Variants in FIGN observed in about 807,000 individuals in gnomAD.
FIGN encodes fidgetin.
A neutral mutation model predicts 51.3 loss-of-function variants in FIGN; 11 were observed. That is an observed-to-expected ratio of 0.21 (90% CI 0.13 to 0.35). The LOEUF is 0.35. Ranked by LOEUF, FIGN falls within the 10% of genes least tolerant of loss-of-function variation. The pLI, the probability that FIGN is intolerant of heterozygous loss-of-function variation, is 1.00. For missense variants in FIGN, 857 were observed against 943.6 expected (o/e 0.91, Z 1.20); for synonymous variants, 407 against 363.2 (o/e 1.12, Z -1.37).
chr2:163,673,259 T>C (rs968796426), intron 2 of FIGN, among the ~76,000 whole-genome samples: 1 of 152,124 alleles, frequency 6.6e-6, no homozygotes, highest in Non-Finnish European at 1.5e-5. Context: ...AATGGAAACA[T>C]ACTTGCGAGA....
chr2:163,679,047 T>C (rs772642219), intron 2 of FIGN, among the ~76,000 whole-genome samples: 1 of 152,246 alleles, frequency 6.6e-6, no homozygotes, highest in Non-Finnish European at 1.5e-5. Flanking sequence ...TGAGTTACTC[T>C]ATACCAGTGC....
intron 2 of FIGN, among the ~76,000 whole-genome samples, chr2:163,711,539 A>AT (rs1244231067): frequency 6.6e-6 from 1 of 151,942 alleles, no homozygotes; most frequent in African/African-American, 2.4e-5. Flanking sequence ...AGGACTTTAA[A>AT]TCCCCCCACT....
intron 2 of FIGN, among the ~76,000 whole-genome samples, chr2:163,732,258 T>C (rs1684942783): frequency 1.3e-5 from 2 of 152,198 alleles, no homozygotes; most frequent in Non-Finnish European, 2.9e-5. Flanking sequence ...TTGATAACCA[T>C]AAACATGCAC....
In FIGN at chr2:163,611,569, A is replaced by T; in HGVS notation, c.263T>A (p.Leu88His). 1.2e-6 allele frequency: 2 copies of T among 1,614,222 alleles called. No homozygotes were observed. The highest frequency in any genetic ancestry group is 1.7e-6 in the Non-Finnish European group (2 of 1,180,034). The change falls in exon 3 of 3, where the codon CTC becomes CAC. Residue 88 changes from leucine (L) to histidine (H), a missense_variant. By Grantham distance (99) the Leu-to-His change is moderately conservative. This residue lies in a region of FIGN where 799 missense variants were observed against 849.5 expected (regional missense o/e 0.94). Coordinates refer to ENST00000333129, the MANE Select transcript of FIGN (RefSeq NM_018086.4). Reference protein sequence around the residue: ...ILEGPVDRPVLSNYSDTPSGL... With the variant: ...ILEGPVDRPVHSNYSDTPSGL... ...TGATGGTGTGTCCGAATAGTTGCTGAGTACGGGTCGGTCCACAGGACCTTC... is the reference window on the plus strand; with the variant it reads ...TGATGGTGTGTCCGAATAGTTGCTGTGTACGGGTCGGTCCACAGGACCTTC...
chr2:163,624,451 A>G (rs1331553214), intron 2 of FIGN, among the ~76,000 whole-genome samples: 2 of 151,594 alleles, frequency 1.3e-5, no homozygotes. Flanking sequence ...GAGAGACACA[A>G]AAGGTGACCT....
chr2:163,646,056 T>G (rs963634760), intron 2 of FIGN, among the ~76,000 whole-genome samples: 2 of 152,202 alleles, frequency 1.3e-5, no homozygotes, highest in African/African-American at 4.8e-5. Flanking sequence ...TTTATGAGTA[T>G]TAAAATAAAT....
chr2:163,644,008 C>A (rs10210095), intron 2 of FIGN, among the ~76,000 whole-genome samples: 128,528 of 148,108 alleles, frequency 0.87, 55,894 homozygotes, highest in Middle Eastern at 0.92. Context: ...TAAAGGTAGG[C>A]GCTTCTCTTA....
In FIGN at chr2:163,611,266, T is replaced by C. The variant is rs1433371240; in HGVS notation, c.566A>G (p.Tyr189Cys). The C allele has an allele frequency of 6.2e-7, 1 of 1,614,150 alleles. No homozygotes were observed. Among genetic ancestry groups the C allele is most frequent in the Non-Finnish European group, 8.5e-7 (1 of 1,180,020 alleles). ...GLPSQEYAPG[Y>C]NGSYLHSTYS... is the part of the protein sequence containing the mutation. ...AGTAGAATGCAAATATGATCCGTTG[T>C]ATCCTGGGGCATATTCCTGAGATGG... Residue 189 changes from tyrosine to cysteine, a missense_variant, in exon 3 of 3, where the codon TAC (tyrosine) becomes TGC (cysteine). Transcript: ENST00000333129.
intron 2 of FIGN, among the ~76,000 whole-genome samples, chr2:163,685,993 T>C (rs1280667803): frequency 6.6e-6 from 1 of 152,216 alleles, no homozygotes; most frequent in East Asian, 1.9e-4. Context: ...GGCACAAAAC[T>C]ATTTGGGACA....
intron 2 of FIGN, among the ~76,000 whole-genome samples, chr2:163,698,664 A>T (rs1012249096): frequency 6.6e-6 from 1 of 152,190 alleles, no homozygotes; most frequent in Admixed American, 6.5e-5. Flanking sequence ...GCCACAATTC[A>T]GATAAATAAG....
At chr2:163,617,418 ACT>A (rs1682898660) in intron 2 of FIGN, among the ~76,000 whole-genome samples, 1 of 152,038 alleles carries the variant, frequency 6.6e-6, no homozygotes, top group Non-Finnish European at 1.5e-5. Context: ...AACCTTTTCA[ACT>A]CTCTTTTTCA....
chr2:163,723,923 T>G (rs944414562), intron 2 of FIGN, among the ~76,000 whole-genome samples: 3 of 152,222 alleles, frequency 2.0e-5, no homozygotes, highest in African/African-American at 7.2e-5. Flanking sequence ...TCCTTGAGCT[T>G]TCTACATTGT....
intron 2 of FIGN, among the ~76,000 whole-genome samples, chr2:163,641,779 A>G (rs1356160002): frequency 1.3e-5 from 2 of 152,246 alleles, no homozygotes; most frequent in Non-Finnish European, 2.9e-5. Context: ...AATCAGATTC[A>G]GTGGGTACCA....
intron 2 of FIGN, among the ~76,000 whole-genome samples, chr2:163,662,862 G>A (rs1683711849): frequency 6.6e-6 from 1 of 152,212 alleles, no homozygotes; most frequent in Non-Finnish European, 1.5e-5. Context: ...AGATCTGATG[G>A]ATTTATCAGG....
chr2:163,612,477 C>G, intron 2 of FIGN: 1 of 985,236 alleles, frequency 1.0e-6, no homozygotes, highest in Non-Finnish European at 1.2e-6. Flanking sequence ...TGGAGTGCAG[C>G]AAAGCAATCT....
At chr2:163,649,051 G>A (rs1343205964) in intron 2 of FIGN, among the ~76,000 whole-genome samples, 1 of 151,920 alleles carries the variant, frequency 6.6e-6, no homozygotes, top group Non-Finnish European at 1.5e-5. Context: ...ACCAACACTG[G>A]AATATACTAT....
chr2:163,730,394 A>G lies in FIGN; in HGVS notation c.25+4509T>C, dbSNP rs369167626. Among the ~76,000 whole-genome samples, 18 of 152,274 alleles carry G rather than the reference A, an allele frequency of 1.2e-4. No homozygotes were observed. The East Asian group carries it at 3.3e-3, about 28-fold the overall frequency. ...AAAAAGAAGAAAATGACAAAATCCA[A>G]CCATGGAAAGCACTTGCTAAACTGG... is the stretch of plus-strand genomic sequence containing the variant. On this transcript the variant is annotated intron_variant, in intron 2 of 2. Transcript: ENST00000333129.
At chr2:163,632,191 A>C (rs1352223142) in intron 2 of FIGN, among the ~76,000 whole-genome samples, 1 of 152,186 alleles carries the variant, frequency 6.6e-6, no homozygotes, top group Non-Finnish European at 1.5e-5. Flanking sequence ...GGTATTTAAA[A>C]AGTAATAAAG....
At chr2:163,688,991 A>C (rs918471042) in intron 2 of FIGN, among the ~76,000 whole-genome samples, 1 of 152,022 alleles carries the variant, frequency 6.6e-6, no homozygotes, top group East Asian at 1.9e-4. Flanking sequence ...TCAAAACCCT[A>C]TCTCTTGAAA....
Sources: gnomAD v4.1 joint callset for allele counts (sites outside exome capture counted in the v4.1 genomes callset) on GRCh38, gnomAD v4.1.1 for gene constraint, gnomAD v4.1.1 regional missense constraint, MANE v1.5 for transcripts, NCBI Gene and HGNC (gene_info 2026-07-23, HGNC 2026-07-21) for gene names.